Variants in ST3GAL1 observed in about 807,000 individuals in gnomAD.
The protein encoded by ST3GAL1 is ST3 beta-galactoside alpha-2,3-sialyltransferase 1, also known as CMP-N-acetylneuraminate-beta-galactosamide-alpha-2,3-sialyltransferase 1.
Under a neutral mutation model 34.1 loss-of-function variants are expected in ST3GAL1, and 16 were observed. The ratio of observed to expected loss-of-function variants is 0.47; its 90% CI spans 0.32 to 0.71. ST3GAL1 has a LOEUF of 0.71. Ranked by LOEUF, ST3GAL1 falls within the 30% of genes least tolerant of loss-of-function variation. The pLI, the probability that ST3GAL1 is intolerant of heterozygous loss-of-function variation, is 0.04. For synonymous variants in ST3GAL1, 191 were observed against 184.7 expected, an observed-to-expected ratio of 1.03 and a Z score of -0.28; for missense variants, 353 against 447.4, an observed-to-expected ratio of 0.79 and a Z score of 1.90.
Position 133,570,391 on chromosome 8 carries a change from C to G in ST3GAL1, c.-582+1302G>C, listed in dbSNP as rs2131127653. ...GGCTGACTCCCTCTGCGGGACTCGC[C>G]CAGCCCGCGAGACGCAGTGACCTGC... On this transcript the variant is annotated intron_variant, in intron 1 of 9. Coordinates refer to ENST00000522652, the MANE Select transcript of ST3GAL1 (RefSeq NM_173344.3). The surrounding 1 kb of genome is among the most constrained non-coding windows in gnomAD (Gnocchi z 5.6). The G allele has an allele frequency of 6.6e-6, 1 of 152,288 alleles. No homozygotes were observed. Among genetic ancestry groups the G allele is most frequent in the East Asian group, 1.9e-4 (1 of 5,176 alleles). The allele number at this position is 152,288 out of a possible 1,614,324, so 9.4% of individuals were successfully genotyped here.
intron 5 of ST3GAL1, among the ~76,000 whole-genome samples, chr8:133,470,813 C>T (rs892009967): frequency 1.3e-5 from 2 of 152,132 alleles, no homozygotes; most frequent in Non-Finnish European, 1.5e-5. Flanking sequence ...GGGCACGGCC[C>T]GAGAGCGGAC....
chr8:133,482,599 C>T, intron 3 of ST3GAL1, among the ~76,000 whole-genome samples: 1 of 152,232 alleles, frequency 6.6e-6, no homozygotes, highest in Non-Finnish European at 1.5e-5. Context: ...CCCAGGCCAG[C>T]TCTGCACAGA....
chr8:133,551,606 GAAAGAAAGAAA>G (rs1818864554), intron 1 of ST3GAL1, among the ~76,000 whole-genome samples: 4 of 148,434 alleles, frequency 2.7e-5, no homozygotes, highest in Admixed American at 6.8e-5. Flanking sequence ...AAGAAAGAAA[GAAAGAAAGAAA>G]GAGCGAGCAA....
At chr8:133,563,239 T>C (rs1819299054) in intron 1 of ST3GAL1, among the ~76,000 whole-genome samples, 1 of 151,616 alleles carries the variant, frequency 6.6e-6, no homozygotes, top group Admixed American at 6.6e-5. Context: ...TACACCCCAA[T>C]GTGTACTTTC....
chr8:133,465,748 G>C, intron 6 of ST3GAL1, 146 bp downstream of exon 6: 1 of 779,878 alleles, frequency 1.3e-6, no homozygotes, highest in Non-Finnish European at 2.0e-6. Flanking sequence ...AGGCCCAGGG[G>C]GTGCAGTGTG....
intron 3 of ST3GAL1, among the ~76,000 whole-genome samples, chr8:133,497,456 A>ATTTT (rs1159737986): frequency 8.3e-4 from 17 of 20,376 alleles, no homozygotes; most frequent in Admixed American, 1.4e-3. Context: ...TTTTGTTGGA[A>ATTTT]TTTTTTTTTT....
Position 133,459,233 on chromosome 8 carries a change from G to A in ST3GAL1, c.*531C>T, listed in dbSNP as rs1407605218. ...AAAATCTTTGGGGTAGGAGCCTCTG[G>A]TGGCTCATAAATGAGCTTTGGGAAG... On this transcript the variant is annotated 3_prime_UTR_variant, in exon 10 of 10. Coordinates refer to ENST00000522652, the MANE Select transcript of ST3GAL1 (RefSeq NM_173344.3). This position sits in a 1 kb window ranked among gnomAD's most constrained non-coding sequence, Gnocchi z 4.7. 2.0e-5 allele frequency: 3 copies of A among 152,196 alleles called. No individual in the cohort carries two copies. The highest frequency in any genetic ancestry group is 6.6e-5 in the Admixed American group (1 of 15,266). The allele number at this position is 152,196 out of a possible 1,614,324, so 9.4% of individuals were successfully genotyped here.
At chr8:133,503,525 G>C (rs889150044) in intron 2 of ST3GAL1, among the ~76,000 whole-genome samples, 1 of 148,806 alleles carries the variant, frequency 6.7e-6, no homozygotes, top group African/African-American at 2.5e-5. Context: ...TCCTCCCTCC[G>C]TCCAGCCCCC....
At chr8:133,478,530 C>G (rs1213186731) in intron 3 of ST3GAL1, among the ~76,000 whole-genome samples, 1 of 152,180 alleles carries the variant, frequency 6.6e-6, no homozygotes. Flanking sequence ...GAATAAATCC[C>G]CTTTATGGGG....
At chr8:133,538,698 C>G (rs570290340) in intron 2 of ST3GAL1, among the ~76,000 whole-genome samples, 58 of 152,304 alleles carry the variant, frequency 3.8e-4, no homozygotes, top group African/African-American at 1.4e-3. Flanking sequence ...AGCATTCCAC[C>G]ATGCTGGTTA....
At chr8:133,481,181 G>A (rs934420932) in intron 3 of ST3GAL1, among the ~76,000 whole-genome samples, 7 of 152,192 alleles carry the variant, frequency 4.6e-5, no homozygotes, top group African/African-American at 1.7e-4. Flanking sequence ...AAAATGCAGA[G>A]GCTCTGGATG....
At chr8:133,506,953 AAAT>A (rs938208494) in intron 2 of ST3GAL1, among the ~76,000 whole-genome samples, 3 of 112,974 alleles carry the variant, frequency 2.7e-5, no homozygotes, top group African/African-American at 1.1e-4. Context: ...ATAAATAAAT[AAAT>A]AATAAATAAA....
intron 2 of ST3GAL1, among the ~76,000 whole-genome samples, chr8:133,536,450 C>T (rs1390544127): frequency 6.6e-6 from 1 of 152,222 alleles, no homozygotes; most frequent in Non-Finnish European, 1.5e-5. Context: ...TCTGGAAGCA[C>T]ATAGAAAATT....
chr8:133,550,530 A>C (rs891973100), intron 1 of ST3GAL1, among the ~76,000 whole-genome samples: 20 of 152,228 alleles, frequency 1.3e-4, no homozygotes, highest in African/African-American at 4.3e-4. Context: ...CCCGGGGTTC[A>C]GTGTTCTTCC....
rs912104799 is a variant in ST3GAL1, at chr8:133,524,571, A to G, written c.-429+21203T>C. 7.2e-5 allele frequency among the ~76,000 whole-genome samples: 11 copies of G among 152,240 alleles called. No homozygotes were observed. In the South Asian group the frequency reaches 2.3e-3, roughly 31 times the overall value. On this transcript the variant is annotated intron_variant, in intron 2 of 9. Transcript: ENST00000522652. ...AGCTTATGCTACCAGCCTAGATCAC[A>G]CACCTGCTAAGGGCAAGCCAGGCGT... is the stretch of plus-strand genomic sequence containing the variant.
intron 2 of ST3GAL1, among the ~76,000 whole-genome samples, chr8:133,541,334 C>T (rs1818523933): frequency 1.3e-5 from 2 of 151,836 alleles, no homozygotes; most frequent in African/African-American, 4.8e-5. Context: ...TTAAGGCCTC[C>T]ACACTGAAGC....
chr8:133,513,185 C>G (rs1817545620), intron 2 of ST3GAL1, among the ~76,000 whole-genome samples: 1 of 152,318 alleles, frequency 6.6e-6, no homozygotes, highest in African/African-American at 2.4e-5. Flanking sequence ...GTGCTACCCC[C>G]ACCCCAGCCC....
At chr8:133,538,793 G>C (rs942724267) in intron 2 of ST3GAL1, among the ~76,000 whole-genome samples, 1 of 152,180 alleles carries the variant, frequency 6.6e-6, no homozygotes, top group Admixed American at 6.5e-5. Context: ...TGACATTGCA[G>C]GTATTTCCAG....
intron 3 of ST3GAL1, among the ~76,000 whole-genome samples, chr8:133,477,865 T>C (rs1478450278): frequency 6.6e-6 from 1 of 150,808 alleles, no homozygotes; most frequent in Non-Finnish European, 1.5e-5. Context: ...GTATATTTTT[T>C]TCCAGGAAAA....
Sources: gnomAD v4.1 joint callset for allele counts (sites outside exome capture counted in the v4.1 genomes callset) on GRCh38, gnomAD v4.1.1 for gene constraint, Gnocchi (gnomAD v3.1) non-coding constraint, MANE v1.5 for transcripts, NCBI Gene and HGNC (gene_info 2026-07-23, HGNC 2026-07-21) for gene names.